USP48: variants seen among roughly 807,000 people sequenced by gnomAD.
USP48 encodes the protein ubiquitin specific peptidase 48.
USP48 carries 43 observed loss-of-function variants against 150.7 expected under a neutral mutation model. That is an observed-to-expected ratio of 0.29 (90% CI 0.22 to 0.37). The LOEUF (loss-of-function observed/expected upper bound fraction) is 0.37. USP48 is among the 10% of genes least tolerant of loss of function. USP48 has a pLI of 1.00. For synonymous variants in USP48, 396 were observed against 425.9 expected (o/e 0.93, Z 0.86); for missense variants, 813 against 1,249.6 (o/e 0.65, Z 5.27).
At chr1:21,743,693 T>G (rs896348463) in intron 8 of USP48, among the ~76,000 whole-genome samples, 1 of 152,158 alleles carries the variant, frequency 6.6e-6, no homozygotes, top group Non-Finnish European at 1.5e-5. Flanking sequence ...ACTGTGCAAC[T>G]GGGAGGGGCA....
In USP48 at chr1:21,679,374, T is replaced by C. The variant is rs1296682286; in HGVS notation, c.*43A>G. The C allele has an allele frequency of 6.2e-7, 1 of 1,613,472 alleles. No homozygotes were observed. The highest frequency in any genetic ancestry group is 1.7e-5 in the Admixed American group (1 of 60,020). Reference sequence around the variant, plus strand: ...AATGCCCTAACATGTCAAACTCCTCTTCCCCTCTGGTCATTTCTTAGCAGT... The same window carrying C: ...AATGCCCTAACATGTCAAACTCCTCCTCCCCTCTGGTCATTTCTTAGCAGT... On this transcript the variant is annotated 3_prime_UTR_variant, in exon 27 of 27. Coordinates refer to ENST00000308271, the MANE Select transcript of USP48 (RefSeq NM_032236.8).
chr1:21,782,667 A>T (rs931034974), intron 1 of USP48, among the ~76,000 whole-genome samples, 157 bp downstream of exon 1: 1 of 152,240 alleles, frequency 6.6e-6, no homozygotes, highest in Non-Finnish European at 1.5e-5. Flanking sequence ...TGCGTTTCCC[A>T]GGTCGCGCAG....
At chr1:21,720,634 T>C (rs1188346909) in intron 14 of USP48, among the ~76,000 whole-genome samples, 1 of 152,078 alleles carries the variant, frequency 6.6e-6, no homozygotes, top group African/African-American at 2.4e-5. Context: ...TTCAATCGAT[T>C]CTACTGCCTC....
Position 21,721,174 on chromosome 1 carries a change from A to T in USP48, c.1764-8T>A, listed in dbSNP as rs1329329490. On this transcript the variant is annotated splice_region_variant and splice_polypyrimidine_tract_variant and intron_variant, in intron 13 of 26. Transcript: ENST00000308271. Reference sequence around the variant, plus strand: ...ACCCAAAATCCATCGCTGCTGTGGAACAGAGAGAATGTTAAATCATATAAG... The same window carrying T: ...ACCCAAAATCCATCGCTGCTGTGGATCAGAGAGAATGTTAAATCATATAAG... 1 of 1,613,892 alleles carries T rather than the reference A, an allele frequency of 6.2e-7. No homozygotes were observed. The highest frequency in any genetic ancestry group is 2.2e-5 in the East Asian group (1 of 44,880).
chr1:21,736,114 A>G (rs2097768404), intron 9 of USP48, among the ~76,000 whole-genome samples: 1 of 152,012 alleles, frequency 6.6e-6, no homozygotes, highest in East Asian at 1.9e-4. Context: ...CTGACAAAAA[A>G]AATTTTGTCA....
chr1:21,736,695 G>T, intron 8 of USP48, 70 bp from the exon 9 acceptor site: 1 of 1,279,572 alleles, frequency 7.8e-7, no homozygotes, highest in Non-Finnish European at 1.0e-6. Context: ...AGCCTGAATT[G>T]TAATGATTAC....
chr1:21,709,775 G>GT, intron 15 of USP48, among the ~76,000 whole-genome samples: 1 of 152,060 alleles, frequency 6.6e-6, no homozygotes, highest in Non-Finnish European at 1.5e-5. Flanking sequence ...TGGGATGAGT[G>GT]TTTTTCATAT....
At chr1:21,704,052 C>T (rs932068572) in intron 20 of USP48, among the ~76,000 whole-genome samples, 1 of 152,128 alleles carries the variant, frequency 6.6e-6, no homozygotes, top group African/African-American at 2.4e-5. Flanking sequence ...CTATTAACCA[C>T]TATATTCTAT....
At chr1:21,704,538 G>C in intron 19 of USP48, 146 bp from the exon 20 acceptor site, 6 of 896,322 alleles carry the variant, frequency 6.7e-6, no homozygotes, top group Non-Finnish European at 9.3e-6. Flanking sequence ...CATCAACAAA[G>C]AATAGTTTTT....
At chr1:21,739,072 T>G (rs2097775100) in intron 8 of USP48, among the ~76,000 whole-genome samples, 1 of 152,198 alleles carries the variant, frequency 6.6e-6, no homozygotes, top group Non-Finnish European at 1.5e-5. Context: ...ACAACAGAGT[T>G]TCCCTCTGCG....
In USP48 at chr1:21,679,527, AGGG is replaced by A. The variant is rs2097559637; in HGVS notation, c.3086-91_3086-89del. The A allele has an allele frequency of 1.3e-5, 19 of 1,512,164 alleles. No homozygotes were observed. In the Admixed American group the frequency reaches 3.3e-4, roughly 26 times the overall value. 93.7% of individuals were successfully genotyped at this position (1,512,164 alleles called of 1,614,324 possible). ...CATTTACCAAGAACACATCATCAAC[AGGG>A]AGCATCAAATTTAATAAATGAACAC... On this transcript the variant is annotated intron_variant, in intron 26 of 26. Transcript: ENST00000308271.
At chr1:21,717,852 GC>G (rs2097709018) in intron 14 of USP48, among the ~76,000 whole-genome samples, 3 of 152,092 alleles carry the variant, frequency 2.0e-5, no homozygotes, top group African/African-American at 7.2e-5. Flanking sequence ...TACTCCGGAG[GC>G]TGAGCCCAGG....
At chr1:21,749,667 A>G (rs2097804106) in intron 6 of USP48, among the ~76,000 whole-genome samples, 2 of 152,160 alleles carry the variant, frequency 1.3e-5, no homozygotes, top group South Asian at 4.2e-4. Flanking sequence ...CAGTGGTCCA[A>G]TCATAGCTAA....
intron 1 of USP48, among the ~76,000 whole-genome samples, chr1:21,780,705 A>G (rs2097912120): frequency 1.3e-5 from 2 of 151,922 alleles, no homozygotes; most frequent in South Asian, 4.1e-4. Context: ...TTAGAGGCGG[A>G]ACATACAGGG....
intron 1 of USP48, among the ~76,000 whole-genome samples, chr1:21,777,694 G>A (rs2097903199): frequency 6.6e-6 from 1 of 152,054 alleles, no homozygotes; most frequent in Non-Finnish European, 1.5e-5. Context: ...AGGCGGAGAA[G>A]AAGAAGAAAT....
intron 1 of USP48, among the ~76,000 whole-genome samples, chr1:21,778,725 C>A (rs1034645434): frequency 1.3e-5 from 2 of 151,212 alleles, no homozygotes; most frequent in Non-Finnish European, 2.9e-5. Context: ...CCAGCTTGGG[C>A]ACCAAAGTGG....
chr1:21,731,299 C>T (rs1040070362), intron 9 of USP48, among the ~76,000 whole-genome samples: 5 of 151,838 alleles, frequency 3.3e-5, no homozygotes, highest in Admixed American at 1.3e-4. Context: ...GAATTTCGCT[C>T]GTCTCCCAGG....
intron 1 of USP48, among the ~76,000 whole-genome samples, chr1:21,760,055 T>A (rs2097846380): frequency 6.6e-6 from 1 of 152,166 alleles, no homozygotes; most frequent in Non-Finnish European, 1.5e-5. Context: ...CACCTTCTGG[T>A]ATAATGCACA....
intron 26 of USP48, 46 bp from the exon 27 acceptor site, chr1:21,679,485 T>C: frequency 6.2e-7 from 1 of 1,609,310 alleles, no homozygotes; most frequent in Non-Finnish European, 8.5e-7. Context: ...AACTACAGAT[T>C]AAAAGTTCAT....
Sources: gnomAD v4.1 joint callset for allele counts (sites outside exome capture counted in the v4.1 genomes callset) on GRCh38, gnomAD v4.1.1 for gene constraint, MANE v1.5 for transcripts, NCBI Gene and HGNC (gene_info 2026-07-23, HGNC 2026-07-21) for gene names.